The following TMEM132D variants were observed in gnomAD, a reference collection of about 807,000 sequenced individuals.
The protein encoded by TMEM132D is transmembrane protein 132D, also known as mature OL transmembrane protein.
In TMEM132D, 21 loss-of-function variants were observed where a neutral mutation model predicts 62.3. The ratio of observed to expected loss-of-function variants is 0.34; its 90% CI spans 0.24 to 0.49. The LOEUF is 0.49. Among genes scored for constraint, TMEM132D ranks in the 20% least tolerant of loss-of-function variants. TMEM132D has a pLI of 0.99. For missense variants in TMEM132D, 1,346 were observed against 1,402.8 expected, an observed-to-expected ratio of 0.96 and a Z score of 0.65; for synonymous variants, 621 against 575.6, an observed-to-expected ratio of 1.08 and a Z score of -1.13.
intron 4 of TMEM132D, among the ~76,000 whole-genome samples, chr12:129,251,511 C>A (rs984353867): frequency 1.3e-5 from 2 of 152,132 alleles, no homozygotes; most frequent in Non-Finnish European, 2.9e-5. Context: ...TGTTTGCCTG[C>A]AGGCATCTCG....
At chr12:129,819,025 ACT>A (rs1294071743) in intron 1 of TMEM132D, among the ~76,000 whole-genome samples, 1 of 150,674 alleles carries the variant, frequency 6.6e-6, no homozygotes, top group African/African-American at 2.4e-5. Flanking sequence ...ACAGAGTGAG[ACT>A]CTGTCTCGAA....
In TMEM132D at chr12:129,311,303, A is replaced by G. The variant is rs56017975; in HGVS notation, c.1299+26331T>C. Among the ~76,000 whole-genome samples, 1,442 of 151,242 alleles carry G rather than the reference A, an allele frequency of 9.5e-3. 32 individuals are homozygous for G. Among genetic ancestry groups the G allele is most frequent in the African/African-American group, 0.033 (1,356 of 41,318 alleles). ...ACCTGAAGTCAGCATAGACACAGGT[A>G]TATGTTGTTAAAAGTATCATGAGCA... On this transcript the variant is annotated intron_variant, in intron 4 of 8. Transcript: ENST00000422113.
intron 2 of TMEM132D, among the ~76,000 whole-genome samples, chr12:129,621,739 C>T (rs1344899976): frequency 6.6e-6 from 1 of 152,214 alleles, no homozygotes; most frequent in East Asian, 1.9e-4. Context: ...GGTACTATCA[C>T]TATCTCCAAC....
intron 5 of TMEM132D, among the ~76,000 whole-genome samples, chr12:129,150,403 T>C (rs1159433303): frequency 1.3e-5 from 2 of 152,246 alleles, no homozygotes; most frequent in Non-Finnish European, 2.9e-5. Flanking sequence ...AAATCATCTT[T>C]ATAATGTATT....
chr12:129,817,803 G>T (rs1290176287), intron 1 of TMEM132D, among the ~76,000 whole-genome samples: 6 of 143,140 alleles, frequency 4.2e-5, no homozygotes, highest in Non-Finnish European at 6.1e-5. Flanking sequence ...GGGGTGTGTG[G>T]GGGGGTCTGT....
chr12:129,209,407 G>A (rs1387606018), intron 5 of TMEM132D, 113 bp downstream of exon 5: 7 of 1,305,900 alleles, frequency 5.4e-6, no homozygotes, highest in Middle Eastern at 1.9e-4. Flanking sequence ...GGGATGGGAG[G>A]GATCCTGTGG....
chr12:129,543,179 G>GTGGA (rs1201790303), intron 2 of TMEM132D, among the ~76,000 whole-genome samples: 1 of 102,312 alleles, frequency 9.8e-6, no homozygotes, highest in Non-Finnish European at 2.0e-5. Context: ...GGGTGGGTGG[G>GTGGA]TGGATGGATG....
intron 2 of TMEM132D, among the ~76,000 whole-genome samples, chr12:129,660,834 G>A (rs1270905811): frequency 2.0e-5 from 3 of 152,112 alleles, no homozygotes; most frequent in Admixed American, 2.0e-4. Flanking sequence ...TCTATCCTAT[G>A]TTCTCAAATT....
At chr12:129,630,006 T>C (rs1811834326) in intron 2 of TMEM132D, among the ~76,000 whole-genome samples, 5 of 152,232 alleles carry the variant, frequency 3.3e-5, no homozygotes, top group Admixed American at 3.3e-4. Flanking sequence ...AGGAAGTTGA[T>C]TCATATCTGC....
At chr12:129,435,332 C>T (rs1473302174) in intron 3 of TMEM132D, among the ~76,000 whole-genome samples, 2 of 152,080 alleles carry the variant, frequency 1.3e-5, no homozygotes, top group East Asian at 3.9e-4. Context: ...TGCATATATA[C>T]CCAGAAGTGG....
At chr12:129,330,832 C>T (rs1185637329) in intron 4 of TMEM132D, among the ~76,000 whole-genome samples, 2 of 152,178 alleles carry the variant, frequency 1.3e-5, no homozygotes, top group Non-Finnish European at 2.9e-5. Flanking sequence ...TAGACAAATA[C>T]ACCAAGGATC....
intron 3 of TMEM132D, among the ~76,000 whole-genome samples, chr12:129,353,788 T>C (rs1259212567): frequency 6.6e-6 from 1 of 152,008 alleles, no homozygotes; most frequent in African/African-American, 2.4e-5. Flanking sequence ...ATCCATTGTA[T>C]GGAGGGCAAT....
At chr12:129,500,347 A>G (rs1408926381) in intron 3 of TMEM132D, among the ~76,000 whole-genome samples, 2 of 149,742 alleles carry the variant, frequency 1.3e-5, no homozygotes, top group South Asian at 2.1e-4. Context: ...TCCAACAAAT[A>G]CCCTGAGCGG....
chr12:129,282,684 T>A (rs1307321735), intron 4 of TMEM132D, among the ~76,000 whole-genome samples: 3 of 152,108 alleles, frequency 2.0e-5, no homozygotes, highest in African/African-American at 4.8e-5. Context: ...AAATGGAAAT[T>A]AAGTTGAAAA....
rs764340673 is a variant in TMEM132D, at chr12:129,074,001, C to T, written c.3174G>A (p.Glu1058=). The part of the protein sequence containing the change: ...TTFTAVSSDD[E]YPTRNSIVMS... ...TCACGATGGAGTTCCTGGTGGGGTA[C>T]TCGTCGTCTGAGGAGACGGCGGTGA... is the stretch of plus-strand genomic sequence containing the variant. The change falls in exon 9 of 9, where the codon GAG becomes GAA. Residue 1058 remains glutamate (E), a synonymous_variant. Coordinates refer to ENST00000422113, the MANE Select transcript of TMEM132D (RefSeq NM_133448.3). The T allele has an allele frequency of 6.2e-7, 1 of 1,614,054 alleles. No homozygotes were observed. Among genetic ancestry groups the T allele is most frequent in the Non-Finnish European group, 8.5e-7 (1 of 1,179,962 alleles).
chr12:129,477,052 A>G (rs1874284049), intron 3 of TMEM132D, among the ~76,000 whole-genome samples: 1 of 152,184 alleles, frequency 6.6e-6, no homozygotes, highest in African/African-American at 2.4e-5. Flanking sequence ...TCCTGGTTTC[A>G]GGACGGTGCT....
At chr12:129,652,345 G>GA (rs1482794627) in intron 2 of TMEM132D, among the ~76,000 whole-genome samples, 2 of 152,104 alleles carry the variant, frequency 1.3e-5, no homozygotes, top group African/African-American at 4.8e-5. Flanking sequence ...GTGGCATGCA[G>GA]AAAAAATGAC....
intron 4 of TMEM132D, among the ~76,000 whole-genome samples, chr12:129,230,751 C>T (rs1879616040): frequency 6.6e-6 from 1 of 152,218 alleles, no homozygotes; most frequent in Non-Finnish European, 1.5e-5. Flanking sequence ...GTCTCAGAGT[C>T]ACTGGGTTCA....
chr12:129,248,446 T>C (rs1880180857), intron 4 of TMEM132D, among the ~76,000 whole-genome samples: 1 of 152,166 alleles, frequency 6.6e-6, no homozygotes, highest in South Asian at 2.1e-4. Context: ...CCTGGTACTG[T>C]AGCATGGAAA....
Sources: gnomAD v4.1 joint callset for allele counts (sites outside exome capture counted in the v4.1 genomes callset) on GRCh38, gnomAD v4.1.1 for gene constraint, MANE v1.5 for transcripts, NCBI Gene and HGNC (gene_info 2026-07-23, HGNC 2026-07-21) for gene names.